The following C10orf90 variants were observed in gnomAD, a reference collection of about 807,000 sequenced individuals.
C10orf90 encodes the protein chromosome 10 open reading frame 90, also known as (E2-independent) E3 ubiquitin-conjugating enzyme FATS.
In C10orf90, 56 loss-of-function variants were observed where a neutral mutation model predicts 62.5. That is an observed-to-expected ratio of 0.90 (90% CI 0.72 to 1.12). C10orf90 has a LOEUF of 1.12. Ranked by LOEUF, C10orf90 falls within the 50% of genes most tolerant of loss-of-function variation. The pLI, the probability that C10orf90 is intolerant of heterozygous loss-of-function variation, is 0.00. For missense variants in C10orf90, 970 were observed against 880.4 expected (o/e 1.10, Z -1.29); for synonymous variants, 386 against 340.4 (o/e 1.13, Z -1.47).
chr10:126,601,941 T>C (rs1290674238), intron 2 of C10orf90, among the ~76,000 whole-genome samples: 1 of 152,226 alleles, frequency 6.6e-6, no homozygotes, highest in African/African-American at 2.4e-5. Flanking sequence ...TAGTCTCAGA[T>C]CTAAATGCTG....
chr10:126,452,914 T>C (rs971396648), intron 7 of C10orf90, among the ~76,000 whole-genome samples: 2 of 152,204 alleles, frequency 1.3e-5, no homozygotes, highest in African/African-American at 4.8e-5. Context: ...TATTAAAGGC[T>C]ATATGGAGAA....
intron 4 of C10orf90, among the ~76,000 whole-genome samples, chr10:126,488,067 A>T (rs1211955175): frequency 1.3e-5 from 2 of 152,146 alleles, no homozygotes; most frequent in Non-Finnish European, 2.9e-5. Context: ...AATGAGAAAA[A>T]AATTAATTCG....
intron 7 of C10orf90, among the ~76,000 whole-genome samples, chr10:126,455,752 G>A (rs533194720): frequency 6.6e-6 from 1 of 152,232 alleles, no homozygotes; most frequent in African/African-American, 2.4e-5. Context: ...GTTCCCAGTT[G>A]TTCATGAAAA....
chr10:126,458,308 C>A (rs527296094), intron 7 of C10orf90, among the ~76,000 whole-genome samples: 1 of 152,164 alleles, frequency 6.6e-6, no homozygotes, highest in Non-Finnish European at 1.5e-5. Context: ...ATTCCTCTAT[C>A]CAAAGGAATA....
chr10:126,475,615 G>A (rs564868792), intron 4 of C10orf90, among the ~76,000 whole-genome samples: 53 of 150,856 alleles, frequency 3.5e-4, no homozygotes, highest in Admixed American at 1.1e-3. Flanking sequence ...GGGCATATGA[G>A]TATGCTTGGC....
chr10:126,456,262 G>T lies in C10orf90; in HGVS notation c.2188+2778C>A, dbSNP rs1172922290. On this transcript the variant is annotated intron_variant, in intron 7 of 9. Transcript: ENST00000488181. The surrounding 1 kb of genome is among the most constrained non-coding windows in gnomAD (Gnocchi z 4.9). Reference sequence around the variant, plus strand: ...GCTTGTATGAGGCTCTGGTTTCAGAGGCTGTCTGATTTCACTGACCTAACA... The same window carrying T: ...GCTTGTATGAGGCTCTGGTTTCAGATGCTGTCTGATTTCACTGACCTAACA... 6.6e-6 allele frequency among the ~76,000 whole-genome samples: 1 copy of T among 152,158 alleles called. No homozygotes were observed. The highest frequency in any genetic ancestry group is 1.9e-4 in the East Asian group (1 of 5,180).
chr10:126,560,379 G>A (rs1484009215), intron 2 of C10orf90, among the ~76,000 whole-genome samples: 1 of 152,196 alleles, frequency 6.6e-6, no homozygotes, highest in Non-Finnish European at 1.5e-5. Context: ...GAGGCACGGT[G>A]ATAAATGGTG....
intron 3 of C10orf90, among the ~76,000 whole-genome samples, chr10:126,510,032 C>T (rs561958711): frequency 5.9e-5 from 9 of 152,264 alleles, no homozygotes; most frequent in South Asian, 2.1e-4. Flanking sequence ...CATCTTTACA[C>T]GGTCCTCCCT....
At chr10:126,660,237 A>G (rs1254289824) in intron 1 of C10orf90, among the ~76,000 whole-genome samples, 1 of 152,234 alleles carries the variant, frequency 6.6e-6, no homozygotes, top group East Asian at 1.9e-4. Context: ...GTTACATTAT[A>G]TGGCAAAAGG....
chr10:126,504,805 C>T lies in C10orf90; in HGVS notation c.686G>A (p.Gly229Asp), dbSNP rs779373225. The change falls in exon 4 of 10, where the codon GGC becomes GAC. Residue 229 changes from glycine (G) to aspartate (D), a missense_variant. Coordinates refer to ENST00000488181, the MANE Select transcript of C10orf90 (RefSeq NM_001350921.2). The surrounding 1 kb of genome is among the most constrained non-coding windows in gnomAD (Gnocchi z 4.1). ...LPPKEERPCG[G>D]PRRGFASITI... The stretch of plus-strand genomic sequence containing the variant: ...GATGGATGCAAACCCTCTGCGGGGG[C>T]CCCCACAGGGTCTCTCCTCTTTGGG... The T allele has an allele frequency of 1.8e-5, 28 of 1,587,648 alleles. No individual in the cohort carries two copies. Among genetic ancestry groups the T allele is most frequent in the Non-Finnish European group, 2.4e-5 (28 of 1,166,436 alleles).
chr10:126,490,021 A>AATATATAATATATATT (rs1564828056), intron 4 of C10orf90, among the ~76,000 whole-genome samples: 1 of 63,940 alleles, frequency 1.6e-5, no homozygotes, highest in Non-Finnish European at 2.7e-5. Flanking sequence ...TATTATATAT[A>AATATATAATATATATT]ATATATAATA....
intron 2 of C10orf90, among the ~76,000 whole-genome samples, chr10:126,568,261 C>G (rs1008953273): frequency 6.6e-6 from 1 of 152,208 alleles, no homozygotes; most frequent in African/African-American, 2.4e-5. Flanking sequence ...TGGAATCAGC[C>G]CGTTAGCCAG....
intron 2 of C10orf90, among the ~76,000 whole-genome samples, chr10:126,571,449 T>G (rs981861166): frequency 6.6e-6 from 1 of 152,138 alleles, no homozygotes; most frequent in African/African-American, 2.4e-5. Context: ...GCCAGGGCAG[T>G]CAGGGACAGG....
At chr10:126,650,452 AC>A (rs1279710872) in intron 1 of C10orf90, among the ~76,000 whole-genome samples, 1 of 152,064 alleles carries the variant, frequency 6.6e-6, no homozygotes, top group Non-Finnish European at 1.5e-5. Flanking sequence ...TCGTCCAACA[AC>A]TCTGTCACAG....
intron 7 of C10orf90, among the ~76,000 whole-genome samples, chr10:126,458,359 G>A (rs1469738424): frequency 6.6e-6 from 1 of 152,140 alleles, no homozygotes; most frequent in Non-Finnish European, 1.5e-5. Context: ...TAAGATTTGG[G>A]TTGGCAGGCA....
At chr10:126,576,286 G>A (rs547600984) in intron 2 of C10orf90, among the ~76,000 whole-genome samples, 84 of 152,008 alleles carry the variant, frequency 5.5e-4, no homozygotes, top group African/African-American at 1.9e-3. Flanking sequence ...CTCTCAAAAG[G>A]AGACATAAAA....
intron 7 of C10orf90, among the ~76,000 whole-genome samples, chr10:126,433,942 T>C (rs1857748057): frequency 6.6e-6 from 1 of 152,202 alleles, no homozygotes; most frequent in South Asian, 2.1e-4. Flanking sequence ...ATCATTCAAA[T>C]AGAGGTGGTG....
At chr10:126,494,459 A>G (rs1446265427) in intron 4 of C10orf90, among the ~76,000 whole-genome samples, 2 of 152,174 alleles carry the variant, frequency 1.3e-5, no homozygotes, top group African/African-American at 4.8e-5. Context: ...TCTGAGAAAG[A>G]AAAACTAGAG....
rs754747554 is a variant in C10orf90, at chr10:126,464,788, A to C, written c.1733T>G (p.Ile578Ser). The change falls in exon 5 of 10, where the codon ATC becomes AGC. Residue 578 changes from isoleucine to serine, a missense_variant. Transcript: ENST00000488181. The part of the protein sequence containing the change: ...RRHQSFLKPR[I>S]LFPGFLCPLQ... ...GGGGCAAAGAAACCCAGGAAAAAGGATTCTGGGTTTCAGGAAGCTTTGATG... is the reference window on the plus strand; with the variant it reads ...GGGGCAAAGAAACCCAGGAAAAAGGCTTCTGGGTTTCAGGAAGCTTTGATG... 6.2e-7 allele frequency: 1 copy of C among 1,613,996 alleles called. No individual in the cohort carries two copies. Among genetic ancestry groups the C allele is most frequent in the East Asian group, 2.2e-5 (1 of 44,856 alleles).
Sources: allele counts gnomAD v4.1 joint callset (sites outside exome capture counted in the v4.1 genomes callset), GRCh38; gene constraint gnomAD v4.1.1; non-coding constraint Gnocchi (gnomAD v3.1); transcripts MANE v1.5; gene names NCBI Gene and HGNC (gene_info 2026-07-23, HGNC 2026-07-21).